Variants in BICC1 observed in about 807,000 individuals in gnomAD.
BICC1 encodes the protein BicC family RNA binding protein 1, also known as protein bicaudal C homolog 1.
Under a neutral mutation model 111.0 loss-of-function variants are expected in BICC1, and 43 were observed. The ratio of observed to expected loss-of-function variants is 0.39; its 90% CI spans 0.30 to 0.50. BICC1 has a LOEUF of 0.50. Ranked by LOEUF, BICC1 falls within the 20% of genes least tolerant of loss-of-function variation. BICC1 has a pLI of 0.88. For missense variants in BICC1, 1,091 were observed against 1,203.2 expected, an observed-to-expected ratio of 0.91 and a Z score of 1.38; for synonymous variants, 467 against 434.4, an observed-to-expected ratio of 1.07 and a Z score of -0.93.
At chr10:58,546,031 C>A (rs1185458826) in intron 1 of BICC1, among the ~76,000 whole-genome samples, 1 of 152,072 alleles carries the variant, frequency 6.6e-6, no homozygotes, top group African/African-American at 2.4e-5. Flanking sequence ...GACTTCTTTC[C>A]TGAACCGGAA....
intron 2 of BICC1, among the ~76,000 whole-genome samples, chr10:58,654,432 GTGA>G (rs1182924849): frequency 4.2e-5 from 1 of 23,570 alleles, no homozygotes; most frequent in Non-Finnish European, 9.5e-5. Context: ...CTGATGGCCA[GTGA>G]TGATGAGCAT....
At chr10:58,614,263 T>C (rs1440765763) in intron 1 of BICC1, among the ~76,000 whole-genome samples, 2 of 152,158 alleles carry the variant, frequency 1.3e-5, no homozygotes, top group African/African-American at 2.4e-5. Context: ...CCTGGCATCC[T>C]GGGAGTGAAT....
chr10:58,785,338 C>T (rs891867898), intron 4 of BICC1, among the ~76,000 whole-genome samples: 2 of 151,992 alleles, frequency 1.3e-5, no homozygotes, highest in South Asian at 2.1e-4. Flanking sequence ...ATATATGTAT[C>T]GTGTATGTAT....
At chr10:58,710,131 ACT>A (rs1840527232) in intron 3 of BICC1, among the ~76,000 whole-genome samples, 2 of 152,132 alleles carry the variant, frequency 1.3e-5, no homozygotes, top group Non-Finnish European at 2.9e-5. Context: ...ATACCACCAA[ACT>A]CTATGAGTGA....
intron 3 of BICC1, among the ~76,000 whole-genome samples, chr10:58,727,601 G>A (rs1841148972): frequency 6.6e-6 from 1 of 151,902 alleles, no homozygotes; most frequent in Admixed American, 6.6e-5. Context: ...ACAAAAAAAA[G>A]GTGGGGTGGG....
rs10571555 is a variant in BICC1 at position 58,513,429 on chromosome 10, ACGGC to A, written c.190+104_190+107del. On this transcript the variant is annotated intron_variant, in intron 1 of 20. Coordinates refer to ENST00000373886, the MANE Select transcript of BICC1 (RefSeq NM_001080512.3). ...GCTCCGGCGCCCGCTACTCCAGCCT[ACGGC>A]CGGCCGGTTTAGCTCCAGGCCCGCT... 0.47 allele frequency: 559,134 copies of A among 1,199,972 alleles called. 135,737 individuals are homozygous for A. Among genetic ancestry groups the A allele is most frequent in the African/African-American group, 0.61 (37,811 of 62,374 alleles). The allele number at this position is 1,199,972 out of a possible 1,614,324, so 74.3% of individuals were successfully genotyped here.
intron 1 of BICC1, among the ~76,000 whole-genome samples, chr10:58,530,272 C>G (rs1179700260): frequency 6.6e-6 from 1 of 151,698 alleles, no homozygotes; most frequent in Non-Finnish European, 1.5e-5. Context: ...AAAGGCAAAG[C>G]CAATACAATG....
At chr10:58,596,035 CT>C in intron 1 of BICC1, among the ~76,000 whole-genome samples, 1 of 152,296 alleles carries the variant, frequency 6.6e-6, no homozygotes, top group Admixed American at 6.5e-5. Flanking sequence ...GATATCACCC[CT>C]GATCCCACAG....
Position 58,800,932 on chromosome 10 carries a change from C to A in BICC1, c.1901C>A (p.Pro634His). ...GTTGAAGTAGGCATGCCTCGAAGTC[C>A]TTCCCATTCTGGGAATGCTGGTGAC... ...AFVEVGMPRSPSHSGNAGDLK... is the reference protein window; with the variant it reads ...AFVEVGMPRSHSHSGNAGDLK... The change falls in exon 14 of 21, where the codon CCT becomes CAT. Residue 634 changes from proline to histidine, a missense_variant. By Grantham distance (77) the Pro-to-His change is moderately conservative. Transcript: ENST00000373886. 6.2e-7 allele frequency: 1 copy of A among 1,609,548 alleles called. No individual in the cohort carries two copies. The highest frequency in any genetic ancestry group is 8.5e-7 in the Non-Finnish European group (1 of 1,177,926).
chr10:58,769,376 A>ATGTGTGTGTGTG (rs71006205), intron 3 of BICC1, among the ~76,000 whole-genome samples: 78 of 73,330 alleles, frequency 1.1e-3, no homozygotes, highest in African/African-American at 2.9e-3. Flanking sequence ...TTTATAATGT[A>ATGTGTGTGTGTG]TGTGTGTGTG....
intron 2 of BICC1, among the ~76,000 whole-genome samples, chr10:58,695,269 C>T (rs1015600359): frequency 6.6e-6 from 1 of 152,166 alleles, no homozygotes; most frequent in Non-Finnish European, 1.5e-5. Context: ...ACTTTCCCAT[C>T]TCCGCTTAGT....
chr10:58,741,933 T>C (rs1241884948), intron 3 of BICC1, among the ~76,000 whole-genome samples: 1 of 152,202 alleles, frequency 6.6e-6, no homozygotes, highest in Non-Finnish European at 1.5e-5. Context: ...CATGTAGGAA[T>C]GGAATGGATA....
chr10:58,599,881 TCTGA>T (rs1305785724), intron 1 of BICC1, among the ~76,000 whole-genome samples: 3 of 152,120 alleles, frequency 2.0e-5, no homozygotes, highest in South Asian at 4.2e-4. Flanking sequence ...TCACTCCTGC[TCTGA>T]CTAACATGAT....
intron 17 of BICC1, among the ~76,000 whole-genome samples, chr10:58,808,350 T>TA (rs1843780239): frequency 6.6e-6 from 1 of 152,214 alleles, no homozygotes; most frequent in Non-Finnish European, 1.5e-5. Flanking sequence ...TGCTCATTCT[T>TA]AGAGTTTCAC....
chr10:58,793,704 C>T, intron 9 of BICC1, 89 bp downstream of exon 9: 1 of 1,410,662 alleles, frequency 7.1e-7, no homozygotes, highest in Non-Finnish European at 9.8e-7. Context: ...TTTGCATATA[C>T]ATGAAACTGT....
At chr10:58,724,358 T>C (rs754333505) in intron 3 of BICC1, among the ~76,000 whole-genome samples, 9 of 152,100 alleles carry the variant, frequency 5.9e-5, no homozygotes, top group Non-Finnish European at 1.0e-4. Flanking sequence ...AATTGGATGA[T>C]TGGATGAAAG....
At chr10:58,586,618 CAA>C (rs5785327) in intron 1 of BICC1, among the ~76,000 whole-genome samples, 1,355 of 133,484 alleles carry the variant, frequency 0.01, 13 homozygotes, top group Non-Finnish European at 0.015. Flanking sequence ...CACTCTCTCT[CAA>C]AAAAAAAAAA....
chr10:58,720,754 G>A lies in BICC1; in HGVS notation c.307+18611G>A, dbSNP rs1200777442. ...CAGTGAAAATCCCGGGGTTCGGGGT[G>A]GACACAGGAGATAATTAGTAGGAAG... is the stretch of plus-strand genomic sequence containing the variant. On this transcript the variant is annotated intron_variant, in intron 3 of 20. Transcript: ENST00000373886. Among the ~76,000 whole-genome samples, 3 of 152,188 alleles carry A rather than the reference G, an allele frequency of 2.0e-5. No individual in the cohort carries two copies. The East Asian group carries it at 5.8e-4, about 29-fold the overall frequency.
chr10:58,805,310 C>CA (rs142081261), intron 15 of BICC1, among the ~76,000 whole-genome samples: 6,265 of 149,572 alleles, frequency 0.042, 416 homozygotes, highest in African/African-American at 0.15. Context: ...AACAAACAAA[C>CA]AAACAAAAAA....
Sources: allele counts gnomAD v4.1 joint callset (sites outside exome capture counted in the v4.1 genomes callset), GRCh38; gene constraint gnomAD v4.1.1; transcripts MANE v1.5; gene names NCBI Gene and HGNC (gene_info 2026-07-23, HGNC 2026-07-21).